Variants in GAREM1 observed in about 807,000 individuals in gnomAD.
GAREM1 encodes the protein GRB2 associated regulator of MAPK1 subtype 1, also known as GRB2-associated and regulator of MAPK protein 1.
Under a neutral mutation model 71.3 loss-of-function variants are expected in GAREM1, and 26 were observed. That is an observed-to-expected ratio of 0.36 (90% CI 0.27 to 0.51). The LOEUF (loss-of-function observed/expected upper bound fraction) is 0.51. GAREM1 is among the 20% of genes least tolerant of loss of function. GAREM1 has a pLI of 0.95. For synonymous variants in GAREM1, 440 were observed against 433.2 expected (o/e 1.02, Z -0.20); for missense variants, 1,026 against 1,103.1 (o/e 0.93, Z 0.99).
At chr18:32,296,589 T>C (rs1019094502) in intron 3 of GAREM1, among the ~76,000 whole-genome samples, 1 of 152,238 alleles carries the variant, frequency 6.6e-6, no homozygotes, top group African/African-American at 2.4e-5. Context: ...GGTTTTTGTT[T>C]GTTTAGAGCT....
At chr18:32,311,093 AT>A (rs1234441007) in intron 2 of GAREM1, among the ~76,000 whole-genome samples, 1 of 152,218 alleles carries the variant, frequency 6.6e-6, no homozygotes, top group Non-Finnish European at 1.5e-5. Context: ...CTTTGAACAT[AT>A]TCCTAAAATA....
intron 2 of GAREM1, among the ~76,000 whole-genome samples, chr18:32,340,206 A>G (rs2144573127): frequency 6.6e-6 from 1 of 152,358 alleles, no homozygotes; most frequent in Admixed American, 6.5e-5. Context: ...CCTGAGGGCT[A>G]TAATGATGAG....
chr18:32,331,844 G>C (rs2047537769), intron 2 of GAREM1, among the ~76,000 whole-genome samples: 1 of 151,872 alleles, frequency 6.6e-6, no homozygotes, highest in Non-Finnish European at 1.5e-5. Context: ...GAAAGAGTGA[G>C]GAGAGAAACA....
At chr18:32,433,275 G>C (rs1490338342) in intron 1 of GAREM1, among the ~76,000 whole-genome samples, 1 of 151,142 alleles carries the variant, frequency 6.6e-6, no homozygotes, top group Non-Finnish European at 1.5e-5. Context: ...GAAGAGAGGA[G>C]AACCTTTCTA....
chr18:32,339,778 T>C (rs2047631615), intron 2 of GAREM1, among the ~76,000 whole-genome samples: 1 of 152,244 alleles, frequency 6.6e-6, no homozygotes, highest in South Asian at 2.1e-4. Flanking sequence ...GAAAGTAATA[T>C]AAACCGGGAA....
chr18:32,273,970 G>T (rs1291557693), intron 4 of GAREM1, among the ~76,000 whole-genome samples: 1 of 152,128 alleles, frequency 6.6e-6, no homozygotes, highest in Non-Finnish European at 1.5e-5. Flanking sequence ...CTCCATTCAT[G>T]ACAAGAATTT....
intron 1 of GAREM1, among the ~76,000 whole-genome samples, chr18:32,438,493 C>T (rs1459078890): frequency 6.6e-6 from 1 of 152,220 alleles, no homozygotes; most frequent in East Asian, 1.9e-4. Context: ...CTGTGATCCA[C>T]AGGAACTAAC....
intron 1 of GAREM1, among the ~76,000 whole-genome samples, chr18:32,416,478 C>A (rs796425984): frequency 5.9e-5 from 9 of 152,154 alleles, no homozygotes; most frequent in African/African-American, 2.2e-4. Context: ...ATTAATACTA[C>A]AGAGCTACAG....
intron 2 of GAREM1, among the ~76,000 whole-genome samples, chr18:32,380,825 TG>T (rs2048089660): frequency 6.6e-6 from 1 of 152,144 alleles, no homozygotes; most frequent in Admixed American, 6.5e-5. Context: ...TGTTGAGAAT[TG>T]TTTTTCTTAA....
intron 3 of GAREM1, among the ~76,000 whole-genome samples, chr18:32,306,585 G>A (rs533253995): frequency 1.6e-4 from 24 of 152,186 alleles, no homozygotes; most frequent in African/African-American, 5.8e-4. Context: ...AGAATCACTG[G>A]TACAGGTAAA....
chr18:32,356,010 T>A (rs2047801424), intron 2 of GAREM1, among the ~76,000 whole-genome samples: 1 of 152,204 alleles, frequency 6.6e-6, no homozygotes, highest in Non-Finnish European at 1.5e-5. Flanking sequence ...AAATGGACTT[T>A]GCCATTCTAG....
intron 2 of GAREM1, among the ~76,000 whole-genome samples, chr18:32,336,393 G>A (rs1283450916): frequency 6.9e-6 from 1 of 143,946 alleles, no homozygotes; most frequent in Non-Finnish European, 1.5e-5. Flanking sequence ...TCGCGCCACT[G>A]CACTCCAGCC....
Position 32,287,136 on chromosome 18 carries a change from G to C in GAREM1, c.1461C>G (p.Ser487=). 1 of 1,614,218 alleles carries C rather than the reference G, an allele frequency of 6.2e-7. No homozygotes were observed. Among genetic ancestry groups the C allele is most frequent in the Non-Finnish European group, 8.5e-7 (1 of 1,180,032 alleles). ...TGGGAAGAGGAGAAGTCGCACATTT[G>C]GATCGGACAGAACCTCTAAACTGAT... ...RCDQFRGSVR[S]KCATSPLPIP... Residue 487 remains serine (S), a synonymous_variant, in exon 4 of 6, where the codon TCC becomes TCG. Transcript: ENST00000269209. The surrounding 1 kb of genome is among the most constrained non-coding windows in gnomAD (Gnocchi z 5.9).
At chr18:32,460,938 T>C (rs568178864) in intron 1 of GAREM1, among the ~76,000 whole-genome samples, 3 of 152,092 alleles carry the variant, frequency 2.0e-5, no homozygotes, top group Non-Finnish European at 4.4e-5. Context: ...AGCAAAAAGG[T>C]GAAAAATCGA....
At chr18:32,382,934 A>G (rs1599007282) in intron 2 of GAREM1, among the ~76,000 whole-genome samples, 1 of 152,242 alleles carries the variant, frequency 6.6e-6, no homozygotes, top group South Asian at 2.1e-4. Context: ...ATGAAGGTCT[A>G]TAAGAAAAAA....
intron 2 of GAREM1, among the ~76,000 whole-genome samples, chr18:32,328,036 G>C (rs1219543869): frequency 6.6e-6 from 1 of 151,870 alleles, no homozygotes; most frequent in Non-Finnish European, 1.5e-5. Flanking sequence ...AAATATACAG[G>C]CCAAATTAAT....
At chr18:32,310,098 A>C in intron 3 of GAREM1, 95 bp downstream of exon 3, 2 of 1,399,168 alleles carry the variant, frequency 1.4e-6, no homozygotes, top group Non-Finnish European at 2.0e-6. Context: ...AAACCCTCCT[A>C]GGAGACACAG....
At chr18:32,396,088 C>T (rs1408243466) in intron 1 of GAREM1, among the ~76,000 whole-genome samples, 2 of 152,218 alleles carry the variant, frequency 1.3e-5, no homozygotes, top group Non-Finnish European at 2.9e-5. Flanking sequence ...TCCAACAGAC[C>T]TGCAGCTGAG....
intron 1 of GAREM1, among the ~76,000 whole-genome samples, chr18:32,440,112 T>C (rs17744051): frequency 0.21 from 32,220 of 152,114 alleles, 3,845 homozygotes; most frequent in East Asian, 0.39. Flanking sequence ...TATTTGATTG[T>C]TTATTAGCTT....
Sources: gnomAD v4.1 joint callset for allele counts (sites outside exome capture counted in the v4.1 genomes callset) on GRCh38, gnomAD v4.1.1 for gene constraint, Gnocchi (gnomAD v3.1) non-coding constraint, MANE v1.5 for transcripts, NCBI Gene and HGNC (gene_info 2026-07-23, HGNC 2026-07-21) for gene names.